Variants in PELI1 observed in about 807,000 individuals in gnomAD.
PELI1 encodes the protein E3 ubiquitin-protein ligase pellino homolog 1.
A neutral mutation model predicts 41.3 loss-of-function variants in PELI1; 15 were observed. The ratio of observed to expected loss-of-function variants is 0.36; its 90% CI spans 0.24 to 0.56. The LOEUF (loss-of-function observed/expected upper bound fraction) is 0.56. Among genes scored for constraint, PELI1 ranks in the 20% least tolerant of loss-of-function variants. PELI1 has a pLI of 0.82. For missense variants in PELI1, 403 were observed against 525.5 expected (o/e 0.77, Z 2.28); for synonymous variants, 178 against 180.1 (o/e 0.99, Z 0.09).
chr2:64,135,395 A>G (rs186119457), intron 1 of PELI1, among the ~76,000 whole-genome samples: 29 of 152,292 alleles, frequency 1.9e-4, no homozygotes, highest in Admixed American at 1.2e-3. Flanking sequence ...AGAAATAGGC[A>G]AGGAAAGTTT....
chr2:64,096,405 C>T lies in PELI1; in HGVS notation c.501+8G>A. ...AAGAAAGCATCATTTAGAAAAAAAG[C>T]TTTTTACCCCAAGAAAGATGTTTTT... On this transcript the variant is annotated splice_region_variant and intron_variant, in intron 5 of 6. Coordinates refer to ENST00000358912, the MANE Select transcript of PELI1 (RefSeq NM_020651.4). The T allele has an allele frequency of 1.2e-6, 2 of 1,603,810 alleles. No individual in the cohort carries two copies. Among genetic ancestry groups the T allele is most frequent in the African/African-American group, 1.3e-5 (1 of 74,526 alleles).
Position 64,096,619 on chromosome 2 carries a change from A to C in PELI1, c.304-9T>G. The stretch of plus-strand genomic sequence containing the variant: ...TCAGTCGACCGGCCAATCTGAGGGA[A>C]AAAAAAAAATACCTATAAACCCATT... On this transcript the variant is annotated splice_polypyrimidine_tract_variant and intron_variant, in intron 4 of 6. Transcript: ENST00000358912. The C allele has an allele frequency of 6.5e-7, 1 of 1,547,982 alleles. No homozygotes were observed. The highest frequency in any genetic ancestry group is 8.8e-7 in the Non-Finnish European group (1 of 1,136,508).
intron 1 of PELI1, among the ~76,000 whole-genome samples, chr2:64,143,073 A>G (rs1681965274): frequency 1.3e-5 from 2 of 152,202 alleles, no homozygotes; most frequent in South Asian, 4.1e-4. Context: ...ACCAAGGCAC[A>G]TTTCCTTGTG....
At chr2:64,128,479 T>C (rs1436503357) in intron 1 of PELI1, among the ~76,000 whole-genome samples, 7 of 152,124 alleles carry the variant, frequency 4.6e-5, no homozygotes, top group African/African-American at 1.4e-4. Flanking sequence ...TACATCTTAA[T>C]TGCCACAAAC....
At chr2:64,097,217 C>T (rs375530143) in intron 4 of PELI1, among the ~76,000 whole-genome samples, 3 of 152,274 alleles carry the variant, frequency 2.0e-5, no homozygotes, top group African/African-American at 7.2e-5. Context: ...GCTATCACTC[C>T]TTGTTTTTGG....
chr2:64,117,325 G>T (rs2103709368), intron 1 of PELI1, among the ~76,000 whole-genome samples: 1 of 150,980 alleles, frequency 6.6e-6, no homozygotes, highest in African/African-American at 2.4e-5. Flanking sequence ...GATAACTTTT[G>T]ATACAATGAA....
chr2:64,118,045 G>A (rs1035964337), intron 1 of PELI1, among the ~76,000 whole-genome samples: 3 of 152,082 alleles, frequency 2.0e-5, no homozygotes, highest in African/African-American at 7.2e-5. Context: ...TCCTGACCTC[G>A]TGATCTGCCC....
chr2:64,103,425 T>C (rs1449516967), intron 3 of PELI1, among the ~76,000 whole-genome samples: 1 of 152,130 alleles, frequency 6.6e-6, no homozygotes, highest in Admixed American at 6.5e-5. Flanking sequence ...GACCTATAAA[T>C]GTCCTGTAGT....
chr2:64,118,079 G>C (rs780214704), intron 1 of PELI1, among the ~76,000 whole-genome samples: 1 of 152,104 alleles, frequency 6.6e-6, no homozygotes, highest in Non-Finnish European at 1.5e-5. Context: ...AAAGTGCTGA[G>C]ATTACAGGTG....
Position 64,095,074 on chromosome 2 carries a change from C to T in PELI1, c.885G>A (p.Lys295=), listed in dbSNP as rs1462914586. The part of the protein sequence containing the change: ...GFNTLAFPSM[K]RKDVVDEKQP... ...GTTTTTCATCTACAACGTCTTTCCT[C>T]TTCATACTAGGAAATGCTAGTGTGT... Residue 295 remains lysine (K), a synonymous_variant, in exon 7 of 7, where the codon AAG becomes AAA. Transcript: ENST00000358912. The T allele has an allele frequency of 1.2e-6, 2 of 1,614,176 alleles. No homozygotes were observed. The highest frequency in any genetic ancestry group is 2.2e-5 in the South Asian group (2 of 91,090).
At chr2:64,123,201 C>G (rs973015653) in intron 1 of PELI1, among the ~76,000 whole-genome samples, 3 of 152,172 alleles carry the variant, frequency 2.0e-5, no homozygotes, top group African/African-American at 7.2e-5. Flanking sequence ...AAAGAAAAAG[C>G]TGAAAATCAG....
At chr2:64,124,048 A>G (rs1019330351) in intron 1 of PELI1, among the ~76,000 whole-genome samples, 1 of 152,242 alleles carries the variant, frequency 6.6e-6, no homozygotes, top group Non-Finnish European at 1.5e-5. Flanking sequence ...AAAGGATCAC[A>G]TATTGTATGA....
At chr2:64,127,671 C>A (rs1681433425) in intron 1 of PELI1, among the ~76,000 whole-genome samples, 1 of 152,148 alleles carries the variant, frequency 6.6e-6, no homozygotes, top group Non-Finnish European at 1.5e-5. Flanking sequence ...CTATTACCAA[C>A]AAGACCTTGA....
At chr2:64,124,895 A>G (rs1048128916) in intron 1 of PELI1, among the ~76,000 whole-genome samples, 6 of 152,144 alleles carry the variant, frequency 3.9e-5, no homozygotes, top group African/African-American at 1.2e-4. Context: ...CAAAGTCCCA[A>G]ACCACCTGAC....
At chr2:64,136,172 T>C (rs558009239) in intron 1 of PELI1, among the ~76,000 whole-genome samples, 1 of 151,990 alleles carries the variant, frequency 6.6e-6, no homozygotes, top group African/African-American at 2.4e-5. Context: ...AGTTCAAAGA[T>C]CTTTATGAAA....
intron 1 of PELI1, among the ~76,000 whole-genome samples, chr2:64,108,597 A>T (rs1372871641): frequency 6.6e-6 from 1 of 152,244 alleles, no homozygotes; most frequent in African/African-American, 2.4e-5. Flanking sequence ...ACAGAAGCAT[A>T]GAGCAGACAT....
At chr2:64,114,121 G>T (rs1680911912) in intron 1 of PELI1, among the ~76,000 whole-genome samples, 1 of 152,148 alleles carries the variant, frequency 6.6e-6, no homozygotes, top group Non-Finnish European at 1.5e-5. Context: ...TTTAAAACAT[G>T]AAAATGTTAT....
intron 1 of PELI1, among the ~76,000 whole-genome samples, chr2:64,143,756 G>A (rs1160549678): frequency 6.6e-6 from 1 of 151,972 alleles, no homozygotes; most frequent in Non-Finnish European, 1.5e-5. Flanking sequence ...TCTCCTCCCC[G>A]CCACCCGCAG....
intron 4 of PELI1, among the ~76,000 whole-genome samples, chr2:64,099,108 A>T (rs1392461673): frequency 6.6e-6 from 1 of 152,130 alleles, no homozygotes; most frequent in Non-Finnish European, 1.5e-5. Context: ...GTAAACAAAT[A>T]AATATAACGT....
Sources: allele counts gnomAD v4.1 joint callset (sites outside exome capture counted in the v4.1 genomes callset), GRCh38; gene constraint gnomAD v4.1.1; transcripts MANE v1.5; gene names NCBI Gene and HGNC (gene_info 2026-07-23, HGNC 2026-07-21).